OPCML: variants seen among roughly 807,000 people sequenced by gnomAD.
OPCML encodes the protein opioid binding protein/cell adhesion molecule like.
In OPCML, 13 loss-of-function variants were observed where a neutral mutation model predicts 37.8. The ratio of observed to expected loss-of-function variants is 0.34; its 90% confidence interval spans 0.22 to 0.55. The LOEUF (loss-of-function observed/expected upper bound fraction) is 0.55, where lower values mean the gene tolerates loss of function less well. OPCML is among the 20% of genes least tolerant of loss of function. OPCML has a pLI of 0.91. For synonymous variants in OPCML, 176 were observed against 168.8 expected (o/e 1.04, Z -0.33); for missense variants, 341 against 435.6 (o/e 0.78, Z 1.93).
At chr11:132,829,141 A>G (rs1314037008) in intron 2 of OPCML, among the ~76,000 whole-genome samples, 1 of 152,224 alleles carries the variant, frequency 6.6e-6, no homozygotes, top group Non-Finnish European at 1.5e-5. Flanking sequence ...AGAAGAATCC[A>G]GAAGAATCCA....
At chr11:132,917,468 A>C (rs943806101) in intron 2 of OPCML, among the ~76,000 whole-genome samples, 2 of 152,196 alleles carry the variant, frequency 1.3e-5, no homozygotes, top group African/African-American at 4.8e-5. Flanking sequence ...ATGCTCTGAA[A>C]GGGATTCTTT....
At chr11:132,537,465 T>G (rs1230248279) in intron 3 of OPCML, among the ~76,000 whole-genome samples, 1 of 152,148 alleles carries the variant, frequency 6.6e-6, no homozygotes, top group African/African-American at 2.4e-5. Flanking sequence ...GACCTAAATG[T>G]AAGGGCTAAA....
intron 1 of OPCML, among the ~76,000 whole-genome samples, chr11:133,256,720 A>G (rs1214300997): frequency 6.6e-6 from 1 of 152,254 alleles, no homozygotes; most frequent in African/African-American, 2.4e-5. Flanking sequence ...ATTTAAGTAA[A>G]CACATAAATA....
intron 1 of OPCML, among the ~76,000 whole-genome samples, chr11:133,472,528 C>CG (rs1410476659): frequency 6.6e-6 from 1 of 151,674 alleles, no homozygotes; most frequent in Non-Finnish European, 1.5e-5. Flanking sequence ...CCCCGATCTT[C>CG]GGCTGCCATT....
intron 3 of OPCML, among the ~76,000 whole-genome samples, chr11:132,598,920 A>C (rs1937631626): frequency 6.6e-6 from 1 of 152,144 alleles, no homozygotes; most frequent in Admixed American, 6.5e-5. Flanking sequence ...CTCAGCCCTG[A>C]GTTTTGAGGA....
intron 4 of OPCML, among the ~76,000 whole-genome samples, chr11:132,525,592 C>A (rs1313620756): frequency 6.6e-6 from 1 of 152,170 alleles, no homozygotes; most frequent in Non-Finnish European, 1.5e-5. Context: ...TCTTTTAGAA[C>A]AACTCCCTAA....
chr11:132,886,723 C>G (rs530699302), intron 2 of OPCML, among the ~76,000 whole-genome samples: 1 of 152,274 alleles, frequency 6.6e-6, no homozygotes, highest in South Asian at 2.1e-4. Context: ...CTGGGGGAGT[C>G]GTGGCCAGCT....
chr11:133,249,563 C>T (rs1277832313), intron 1 of OPCML, among the ~76,000 whole-genome samples: 16 of 152,114 alleles, frequency 1.1e-4, no homozygotes, highest in Non-Finnish European at 1.3e-4. Context: ...CTCTCTGCTC[C>T]GGAGTGGGCA....
In OPCML at chr11:132,511,211, T is replaced by C. The variant is rs547639289; in HGVS notation, c.505+17850A>G. Among the ~76,000 whole-genome samples, 3 of 152,174 alleles carry C rather than the reference T, an allele frequency of 2.0e-5. No homozygotes were observed. In the South Asian group the frequency reaches 6.2e-4, roughly 32 times the overall value. ...TTTTTAAAATTTCCTTTATAATCATTCAAAAATATGACATAATTTGGAACC... is the reference window on the plus strand; with the variant it reads ...TTTTTAAAATTTCCTTTATAATCATCCAAAAATATGACATAATTTGGAACC... On this transcript the variant is annotated intron_variant, in intron 4 of 7. Transcript: ENST00000524381.
At chr11:132,599,592 T>C (rs1266207872) in intron 3 of OPCML, among the ~76,000 whole-genome samples, 2 of 152,154 alleles carry the variant, frequency 1.3e-5, no homozygotes, top group Non-Finnish European at 2.9e-5. Flanking sequence ...TGACAGGCTT[T>C]GGTGGGCTCC....
At chr11:132,843,256 A>G (rs1456891286) in intron 2 of OPCML, among the ~76,000 whole-genome samples, 1 of 151,880 alleles carries the variant, frequency 6.6e-6, no homozygotes. Flanking sequence ...CACCATGCCC[A>G]GTTAATTTTT....
chr11:133,087,866 C>G (rs1327938151), intron 1 of OPCML, among the ~76,000 whole-genome samples: 1 of 152,222 alleles, frequency 6.6e-6, no homozygotes, highest in Non-Finnish European at 1.5e-5. Flanking sequence ...AAGCCCTCAT[C>G]TGTAAAACGG....
At chr11:133,074,106 C>T (rs1023770768) in intron 1 of OPCML, among the ~76,000 whole-genome samples, 15 of 152,200 alleles carry the variant, frequency 9.9e-5, no homozygotes, top group African/African-American at 3.6e-4. Context: ...TTACAGAGCC[C>T]TTGGGGCCAT....
intron 1 of OPCML, among the ~76,000 whole-genome samples, chr11:133,185,539 T>G (rs1938032293): frequency 6.6e-6 from 1 of 152,166 alleles, no homozygotes; most frequent in Admixed American, 6.5e-5. Flanking sequence ...GGTGAAGAAC[T>G]TAGAGAACAC....
intron 1 of OPCML, among the ~76,000 whole-genome samples, chr11:133,323,120 G>T (rs1943372354): frequency 6.6e-6 from 1 of 152,184 alleles, no homozygotes; most frequent in Admixed American, 6.5e-5. Context: ...CTGGATACCT[G>T]TGGTCCAAGC....
At chr11:132,599,089 G>A (rs1937646493) in intron 3 of OPCML, among the ~76,000 whole-genome samples, 1 of 152,090 alleles carries the variant, frequency 6.6e-6, no homozygotes, top group South Asian at 2.1e-4. Flanking sequence ...GATGAGCCTG[G>A]CCAACATAGT....
intron 4 of OPCML, among the ~76,000 whole-genome samples, chr11:132,449,405 A>G (rs1453969773): frequency 6.6e-6 from 1 of 152,128 alleles, no homozygotes; most frequent in Non-Finnish European, 1.5e-5. Context: ...CTAATCATCC[A>G]CTTAGATGAT....
At chr11:132,580,300 T>C (rs978197477) in intron 3 of OPCML, among the ~76,000 whole-genome samples, 2 of 152,136 alleles carry the variant, frequency 1.3e-5, no homozygotes, top group African/African-American at 4.8e-5. Flanking sequence ...ATATGACGAA[T>C]CTGTTTAAAT....
chr11:132,720,287 C>T (rs529327132), intron 2 of OPCML, among the ~76,000 whole-genome samples: 9 of 152,302 alleles, frequency 5.9e-5, no homozygotes, highest in Admixed American at 4.6e-4. Context: ...GCTAGCCTGC[C>T]GGCCAAGACC....
Sources: gnomAD v4.1 joint callset for allele counts (sites outside exome capture counted in the v4.1 genomes callset) on GRCh38, gnomAD v4.1.1 for gene constraint, MANE v1.5 for transcripts, NCBI Gene and HGNC (gene_info 2026-07-23, HGNC 2026-07-21) for gene names.